Variants in WDR70 observed in about 807,000 individuals in gnomAD.
The protein encoded by WDR70 is WD repeat domain 70.
WDR70 carries 53 observed loss-of-function variants against 88.6 expected under a neutral mutation model. The ratio of observed to expected loss-of-function variants is 0.60; its 90% CI spans 0.48 to 0.75. The LOEUF is 0.75. WDR70 is among the 30% of genes least tolerant of loss of function. The pLI is 0.00. For synonymous variants in WDR70, 280 were observed against 270.0 expected, an observed-to-expected ratio of 1.04 and a Z score of -0.36; for missense variants, 610 against 823.2, an observed-to-expected ratio of 0.74 and a Z score of 3.17.
chr5:37,675,059 C>T lies in WDR70; in HGVS notation c.1093-22596C>T, dbSNP rs984971151. The stretch of plus-strand genomic sequence containing the variant: ...TTGAGAAGTGTCTGTTCATGTCCTT[C>T]GCCCACTTTTTGATGCGGTTGTTTG... On this transcript the variant is annotated intron_variant, in intron 10 of 17. Transcript: ENST00000265107. 9.5e-4 allele frequency among the ~76,000 whole-genome samples: 144 copies of T among 151,744 alleles called. 2 individuals carry two copies. The highest frequency in any genetic ancestry group is 1.3e-3 in the African/African-American group (53 of 41,222).
chr5:37,631,085 G>A (rs1267474001), intron 10 of WDR70, among the ~76,000 whole-genome samples: 1 of 152,142 alleles, frequency 6.6e-6, no homozygotes, highest in Non-Finnish European at 1.5e-5. Context: ...TCGGGGAGAT[G>A]GGGTTATAGA....
intron 13 of WDR70, among the ~76,000 whole-genome samples, chr5:37,706,532 G>A (rs1358866901): frequency 1.3e-5 from 2 of 152,056 alleles, no homozygotes; most frequent in Non-Finnish European, 2.9e-5. Flanking sequence ...TTATAAATGG[G>A]AGTTCCCCTG....
intron 9 of WDR70, among the ~76,000 whole-genome samples, chr5:37,584,002 A>G (rs986381686): frequency 4.6e-5 from 7 of 152,204 alleles, no homozygotes; most frequent in African/African-American, 1.7e-4. Flanking sequence ...AGACAGGACT[A>G]TGAAATGTGA....
At chr5:37,524,305 A>G (rs1741190623) in intron 9 of WDR70, among the ~76,000 whole-genome samples, 1 of 152,230 alleles carries the variant, frequency 6.6e-6, no homozygotes, top group African/African-American at 2.4e-5. Context: ...TACAAGCCAG[A>G]AGAGAGTGGG....
chr5:37,462,142 GTCC>G (rs1739025624), intron 7 of WDR70, among the ~76,000 whole-genome samples: 1 of 152,000 alleles, frequency 6.6e-6, no homozygotes, highest in South Asian at 2.1e-4. Context: ...GTCTGATGAA[GTCC>G]TCAGCTCTTT....
intron 9 of WDR70, among the ~76,000 whole-genome samples, chr5:37,581,161 C>T (rs1368469394): frequency 2.6e-5 from 4 of 151,996 alleles, no homozygotes; most frequent in Admixed American, 1.3e-4. Flanking sequence ...TCCCCAGGGA[C>T]CTTCATATAG....
In WDR70 at chr5:37,672,339, A is replaced by G. The variant is rs535834386; in HGVS notation, c.1093-25316A>G. On this transcript the variant is annotated intron_variant, in intron 10 of 17. Coordinates refer to ENST00000265107, the MANE Select transcript of WDR70 (RefSeq NM_018034.4). ...AGCGTCTGTGCTGAGGAGGATTAGT[A>G]AAAGAGGAAGTCCTCTTGTGGTTGA... Among the ~76,000 whole-genome samples, 8 of 152,188 alleles carry G rather than the reference A, an allele frequency of 5.3e-5. No homozygotes were observed. The South Asian group carries it at 1.7e-3, about 32-fold the overall frequency.
At position 37,665,533 on chromosome 5, in the gene WDR70, C is replaced by T. The variant is rs181342334; in HGVS notation, c.1093-32122C>T. Among the ~76,000 whole-genome samples the T allele has an allele frequency of 8.5e-5, 13 of 152,262 alleles. No homozygotes were observed. In the East Asian group the frequency reaches 2.5e-3, roughly 29 times the overall value. On this transcript the variant is annotated intron_variant, in intron 10 of 17. Coordinates refer to ENST00000265107, the MANE Select transcript of WDR70 (RefSeq NM_018034.4). ...GCTGCCAGGGGAACAGAAGGGTTGC[C>T]ACAACAAAGTCAGCAAACAACCCCC...
Position 37,499,002 on chromosome 5 carries a change from T to G in WDR70, c.841-17512T>G, listed in dbSNP as rs913775972. On this transcript the variant is annotated intron_variant, in intron 8 of 17. Transcript: ENST00000265107. ...TCTGTAGCCTCACTAGCAATTGGTATTGTTAGTTTTTGGTAGTTTAGCCAT... is the reference window on the plus strand; with the variant it reads ...TCTGTAGCCTCACTAGCAATTGGTAGTGTTAGTTTTTGGTAGTTTAGCCAT... Among the ~76,000 whole-genome samples the G allele has an allele frequency of 2.6e-5, 4 of 152,192 alleles. No homozygotes were observed. The East Asian group carries it at 5.8e-4, about 22-fold the overall frequency.
intron 10 of WDR70, among the ~76,000 whole-genome samples, chr5:37,616,185 T>C (rs1744335558): frequency 6.6e-6 from 1 of 152,120 alleles, no homozygotes; most frequent in Non-Finnish European, 1.5e-5. Context: ...GGTGCAATCT[T>C]GGCTTACTGC....
intron 5 of WDR70, among the ~76,000 whole-genome samples, chr5:37,431,003 G>A (rs1446088307): frequency 1.3e-5 from 2 of 152,038 alleles, no homozygotes; most frequent in African/African-American, 4.8e-5. Context: ...ACAGGCTTGT[G>A]CCACCATGTC....
intron 10 of WDR70, among the ~76,000 whole-genome samples, chr5:37,655,868 G>A (rs1745539713): frequency 6.6e-6 from 1 of 151,694 alleles, no homozygotes; most frequent in South Asian, 2.1e-4. Context: ...TAGTTTCCTT[G>A]CATTGGGTTA....
At chr5:37,551,954 T>C (rs1742161559) in intron 9 of WDR70, among the ~76,000 whole-genome samples, 1 of 151,656 alleles carries the variant, frequency 6.6e-6, no homozygotes, top group African/African-American at 2.4e-5. Context: ...GTATTTTCAG[T>C]AGAGATGGGG....
At chr5:37,729,671 C>T (rs547311849) in intron 17 of WDR70, among the ~76,000 whole-genome samples, 9 of 152,150 alleles carry the variant, frequency 5.9e-5, no homozygotes, top group Non-Finnish European at 1.3e-4. Context: ...CTTTCTTCAC[C>T]ACCCCAGTGA....
At chr5:37,539,335 T>C (rs1028773267) in intron 9 of WDR70, among the ~76,000 whole-genome samples, 2 of 152,130 alleles carry the variant, frequency 1.3e-5, no homozygotes, top group African/African-American at 4.8e-5. Flanking sequence ...TTAAAGAGTA[T>C]GAGGCTATGA....
chr5:37,531,732 T>A (rs999254837), intron 9 of WDR70, among the ~76,000 whole-genome samples: 3 of 151,980 alleles, frequency 2.0e-5, no homozygotes, highest in Non-Finnish European at 4.4e-5. Flanking sequence ...TATCTTTAAG[T>A]GGAGCAGTTA....
chr5:37,406,525 C>A (rs1176287425), intron 5 of WDR70, among the ~76,000 whole-genome samples: 1 of 152,164 alleles, frequency 6.6e-6, no homozygotes, highest in African/African-American at 2.4e-5. Flanking sequence ...CATTATTTAA[C>A]CTCTCTGTGT....
chr5:37,473,412 C>T lies in WDR70; in HGVS notation c.687-6422C>T, dbSNP rs985017869. 3.6e-4 allele frequency among the ~76,000 whole-genome samples: 54 copies of T among 150,104 alleles called. 1 individual carries two copies. The highest frequency in any genetic ancestry group is 4.2e-4 in the South Asian group (2 of 4,766). The stretch of plus-strand genomic sequence containing the variant: ...AAGCTGGAGTGCAATGGCATGATCT[C>T]GGCTCACTGTAACCTCTGCCTCCTG... On this transcript the variant is annotated intron_variant, in intron 7 of 17. Coordinates refer to ENST00000265107, the MANE Select transcript of WDR70 (RefSeq NM_018034.4).
chr5:37,556,742 G>C (rs1742304141), intron 9 of WDR70, among the ~76,000 whole-genome samples: 1 of 152,220 alleles, frequency 6.6e-6, no homozygotes, highest in Non-Finnish European at 1.5e-5. Context: ...GTCAGTCTTG[G>C]AGAGCAGGAA....
Sources: gnomAD v4.1 joint callset for allele counts (sites outside exome capture counted in the v4.1 genomes callset) on GRCh38, gnomAD v4.1.1 for gene constraint, MANE v1.5 for transcripts, NCBI Gene and HGNC (gene_info 2026-07-23, HGNC 2026-07-21) for gene names.